GRIN2A: variants seen among roughly 807,000 people sequenced by gnomAD.
GRIN2A encodes the protein glutamate receptor ionotropic, NMDA 2A.
Under a neutral mutation model 113.4 loss-of-function variants are expected in GRIN2A, and 22 were observed. That is an observed-to-expected ratio of 0.19 (90% CI 0.14 to 0.28). The LOEUF is 0.28. Ranked by LOEUF, GRIN2A falls within the 10% of genes least tolerant of loss-of-function variation. GRIN2A has a pLI of 1.00. For missense variants in GRIN2A, 1,502 were observed against 1,887.0 expected (o/e 0.80, Z 3.78); for synonymous variants, 827 against 738.4 (o/e 1.12, Z -1.94).
At chr16:10,148,138 T>A (rs770124879) in intron 2 of GRIN2A, among the ~76,000 whole-genome samples, 3 of 152,188 alleles carry the variant, frequency 2.0e-5, no homozygotes, top group Non-Finnish European at 2.9e-5. Flanking sequence ...AGCCCAGGAA[T>A]TGGCAAACTA....
chr16:9,829,498 G>A lies in GRIN2A; in HGVS notation c.1932C>T (p.Ser644=), dbSNP rs1596471786. 1 of 1,613,816 alleles carries A rather than the reference G, an allele frequency of 6.2e-7. No individual in the cohort carries two copies. The highest frequency in any genetic ancestry group is 1.3e-5 in the African/African-American group (1 of 74,930). ...WAFFAVIFLA[S]YTANLAAFMI... is the part of the protein sequence containing the mutation. ...TGAAGGCAGCCAGATTGGCTGTGTA[G>A]CTAGCCAGGAATATGACAGCGAAGA... The change falls in exon 9 of 13, where the codon AGC becomes AGT. Residue 644 remains serine (S), a synonymous_variant. Transcript: ENST00000330684.
intron 2 of GRIN2A, chr16:10,112,988 T>G: frequency 3.1e-6 from 1 of 324,604 alleles, no homozygotes; most frequent in Non-Finnish European, 6.0e-6. Context: ...GCACTACGGG[T>G]TCCCCAGCTC....
chr16:10,174,386 T>C (rs1104474), intron 2 of GRIN2A, among the ~76,000 whole-genome samples: 88,658 of 151,948 alleles, frequency 0.58, 26,482 homozygotes, highest in Non-Finnish European at 0.65. Context: ...CCCTCACAGA[T>C]ACAGGGCATA....
intron 3 of GRIN2A, among the ~76,000 whole-genome samples, chr16:9,908,182 G>A (rs939115554): frequency 7.2e-5 from 11 of 152,028 alleles, no homozygotes; most frequent in South Asian, 2.1e-4. Flanking sequence ...TTTCACACCC[G>A]GACATGGATT....
At chr16:9,960,789 T>C (rs2045423110) in intron 2 of GRIN2A, among the ~76,000 whole-genome samples, 1 of 152,160 alleles carries the variant, frequency 6.6e-6, no homozygotes, top group African/African-American at 2.4e-5. Context: ...CACACCTGGA[T>C]AATTTTTGTA....
At chr16:10,155,893 G>A (rs1281226334) in intron 2 of GRIN2A, among the ~76,000 whole-genome samples, 1 of 152,136 alleles carries the variant, frequency 6.6e-6, no homozygotes, top group Non-Finnish European at 1.5e-5. Flanking sequence ...ATCCCTCCCA[G>A]GACACATGAG....
intron 2 of GRIN2A, among the ~76,000 whole-genome samples, chr16:10,114,985 C>G (rs2048701424): frequency 6.6e-6 from 1 of 152,266 alleles, no homozygotes; most frequent in Admixed American, 6.5e-5. Context: ...CACGTCCCCA[C>G]ATGGCATTAA....
chr16:9,884,143 A>G (rs1296019111), intron 4 of GRIN2A, among the ~76,000 whole-genome samples: 1 of 152,244 alleles, frequency 6.6e-6, no homozygotes, highest in Non-Finnish European at 1.5e-5. Flanking sequence ...TCAAAACGTC[A>G]TGTGCACTAA....
At chr16:10,179,893 C>CCCAAAAAAAAAAA in intron 2 of GRIN2A, 105 bp downstream of exon 2, 8 of 719,804 alleles carry the variant, frequency 1.1e-5, no homozygotes, top group East Asian at 3.6e-5. Flanking sequence ...CCCCCACCCC[C>CCCAAAAAAAAAAA]ACTTCACATC....
intron 2 of GRIN2A, among the ~76,000 whole-genome samples, chr16:10,035,816 T>A (rs555886235): frequency 6.6e-6 from 1 of 151,858 alleles, no homozygotes; most frequent in Non-Finnish European, 1.5e-5. Context: ...CTCTGCCTCC[T>A]GGGTTCAAGC....
intron 1 of GRIN2A, among the ~76,000 whole-genome samples, chr16:10,181,419 C>T (rs1596588845): frequency 6.6e-6 from 1 of 152,338 alleles, no homozygotes; most frequent in East Asian, 1.9e-4. Flanking sequence ...GGCGCTGTTG[C>T]CAAGTCCTAG....
chr16:10,088,130 C>G (rs1270110079), intron 2 of GRIN2A, among the ~76,000 whole-genome samples: 6 of 152,140 alleles, frequency 3.9e-5, no homozygotes, highest in African/African-American at 1.4e-4. Flanking sequence ...CCTTTGGACC[C>G]TCTCCCTTGA....
At chr16:10,039,808 G>GGGAGAGAGAGAGAGAGACAGAGAGA (rs1555469298) in intron 2 of GRIN2A, among the ~76,000 whole-genome samples, 2 of 63,812 alleles carry the variant, frequency 3.1e-5, no homozygotes, top group African/African-American at 1.6e-4. Context: ...GGGAGGGGGG[G>GGGAGAGAGAGAGAGAGACAGAGAGA]GAGAAAGAGA....
intron 3 of GRIN2A, among the ~76,000 whole-genome samples, chr16:9,893,341 T>A (rs2043735831): frequency 6.6e-6 from 1 of 152,236 alleles, no homozygotes; most frequent in Admixed American, 6.5e-5. Flanking sequence ...TGCAATCAAA[T>A]ACTTTAACAA....
intron 2 of GRIN2A, among the ~76,000 whole-genome samples, chr16:10,086,345 G>A (rs572929064): frequency 1.3e-5 from 2 of 152,096 alleles, no homozygotes; most frequent in South Asian, 4.1e-4. Context: ...GTATGGAGGA[G>A]CAATGATGCC....
chr16:9,919,276 G>C (rs561023065), intron 3 of GRIN2A, among the ~76,000 whole-genome samples: 11 of 152,250 alleles, frequency 7.2e-5, no homozygotes, highest in African/African-American at 2.6e-4. Context: ...GCTTCTCTTA[G>C]TTCTTCCTCA....
intron 3 of GRIN2A, among the ~76,000 whole-genome samples, chr16:9,931,030 T>C (rs1430283956): frequency 1.3e-5 from 2 of 152,202 alleles, no homozygotes; most frequent in African/African-American, 4.8e-5. Flanking sequence ...CCAGGTGTCA[T>C]CAATGAAGGC....
At position 9,900,825 on chromosome 16, in the gene GRIN2A, G is replaced by T. The variant is rs149945151; in HGVS notation, c.1008-9725C>A. Among the ~76,000 whole-genome samples, 3 of 152,208 alleles carry T rather than the reference G, an allele frequency of 2.0e-5. No homozygotes were observed. In the South Asian group the frequency reaches 6.2e-4, roughly 32 times the overall value. On this transcript the variant is annotated intron_variant, in intron 3 of 12. Coordinates refer to ENST00000330684, the MANE Select transcript of GRIN2A (RefSeq NM_001134407.3). ...TCACCTAACCACTTTGAACCAGCTG[G>T]CACAAGAGCCAGTGGAACCAGCTCA...
intron 10 of GRIN2A, among the ~76,000 whole-genome samples, chr16:9,803,267 C>T (rs2041901234): frequency 1.3e-5 from 2 of 152,016 alleles, no homozygotes; most frequent in African/African-American, 2.4e-5. Flanking sequence ...AATAGCTGGG[C>T]ATGGTGGCAC....
Sources: gnomAD v4.1 joint callset for allele counts (sites outside exome capture counted in the v4.1 genomes callset) on GRCh38, gnomAD v4.1.1 for gene constraint, MANE v1.5 for transcripts, NCBI Gene and HGNC (gene_info 2026-07-23, HGNC 2026-07-21) for gene names.